The following CMKLR2 variants were observed in gnomAD, a reference collection of about 807,000 sequenced individuals.
CMKLR2 encodes chemerin chemokine-like receptor 2, also known as chemerin-like receptor 2.
CMKLR2 carries 18 observed loss-of-function variants against 23.0 expected under a neutral mutation model. The ratio of observed to expected loss-of-function variants is 0.78; its 90% CI spans 0.54 to 1.16. The LOEUF is 1.16. Ranked by LOEUF, CMKLR2 falls within the 50% of genes most tolerant of loss-of-function variation. CMKLR2 has a pLI of 0.00. For synonymous variants in CMKLR2, 158 were observed against 158.9 expected (o/e 0.99, Z 0.05); for missense variants, 401 against 412.7 (o/e 0.97, Z 0.25).
At chr2:206,204,522 C>T (rs958319367) in intron 1 of CMKLR2, among the ~76,000 whole-genome samples, 4 of 151,896 alleles carry the variant, frequency 2.6e-5, no homozygotes, top group African/African-American at 9.7e-5. Context: ...TCAGAGAGCT[C>T]ATTTGTGGTT....
chr2:206,202,933 G>C (rs576876916), intron 1 of CMKLR2, among the ~76,000 whole-genome samples: 150 of 151,950 alleles, frequency 9.9e-4, no homozygotes, highest in African/African-American at 3.4e-3. Context: ...TTCCACCCTA[G>C]TTCTTTCTTG....
intron 1 of CMKLR2, among the ~76,000 whole-genome samples, chr2:206,212,705 A>G (rs1455254611): frequency 6.6e-6 from 1 of 152,242 alleles, no homozygotes; most frequent in Non-Finnish European, 1.5e-5. Flanking sequence ...TTCTAACAAG[A>G]AATTGATAGC....
chr2:206,207,728 C>CTTTTTTTTTTTT (rs71034423), intron 1 of CMKLR2, among the ~76,000 whole-genome samples: 992 of 43,534 alleles, frequency 0.023, 280 homozygotes, highest in African/African-American at 0.044. Flanking sequence ...ACCTCAGGGC[C>CTTTTTTTTTTTT]TTTTTTTTTT....
At chr2:206,192,412 T>G (rs1342755383) in intron 1 of CMKLR2, among the ~76,000 whole-genome samples, 1 of 151,472 alleles carries the variant, frequency 6.6e-6, no homozygotes, top group Non-Finnish European at 1.5e-5. Flanking sequence ...TTTATTTTTC[T>G]GTTTATTTGG....
chr2:206,178,647 T>C (rs1338469628), intron 1 of CMKLR2, among the ~76,000 whole-genome samples: 4 of 150,886 alleles, frequency 2.7e-5, no homozygotes, highest in Non-Finnish European at 4.4e-5. Context: ...TATTTTTGTT[T>C]TGTTTGTTTG....
intron 1 of CMKLR2, among the ~76,000 whole-genome samples, chr2:206,209,417 T>G (rs1343837574): frequency 6.6e-6 from 1 of 152,046 alleles, no homozygotes; most frequent in South Asian, 2.1e-4. Context: ...AAGTGCAGGA[T>G]GTACAGGTTT....
chr2:206,176,844 T>A lies in CMKLR2; in HGVS notation c.404A>T (p.His135Leu). The change falls in exon 2 of 2, where the codon CAC becomes CTC. Residue 135 changes from histidine to leucine, a missense_variant. Transcript: ENST00000621141. ...VFFLTVISLDHYIHLIHPVLS... is the reference protein window; with the variant it reads ...VFFLTVISLDLYIHLIHPVLS... ...GACAGGATGGATCAAGTGGATATAG[T>A]GGTCCAGGCTGATCACTGTCAGGAA... The A allele has an allele frequency of 6.2e-7, 1 of 1,614,122 alleles. No homozygotes were observed.
At chr2:206,195,846 C>T (rs1026293970) in intron 1 of CMKLR2, among the ~76,000 whole-genome samples, 3 of 151,912 alleles carry the variant, frequency 2.0e-5, no homozygotes, top group East Asian at 1.9e-4. Context: ...CCCAGCTACT[C>T]GGGAGGCTGA....
At chr2:206,194,178 G>A (rs1688843310) in intron 1 of CMKLR2, among the ~76,000 whole-genome samples, 1 of 152,156 alleles carries the variant, frequency 6.6e-6, no homozygotes, top group African/African-American at 2.4e-5. Context: ...GGGAGGGAAG[G>A]GAAACTTGTT....
intron 1 of CMKLR2, among the ~76,000 whole-genome samples, chr2:206,195,790 A>G (rs1688901575): frequency 6.6e-6 from 1 of 151,914 alleles, no homozygotes; most frequent in Non-Finnish European, 1.5e-5. Context: ...CTCCATCTCT[A>G]CTAAAAATAC....
intron 1 of CMKLR2, among the ~76,000 whole-genome samples, chr2:206,196,136 A>G (rs1210324364): frequency 3.3e-5 from 5 of 152,106 alleles, no homozygotes; most frequent in Non-Finnish European, 5.9e-5. Flanking sequence ...GCACTTTGGG[A>G]GGCTGAGGTG....
chr2:206,184,310 T>C (rs935923742), intron 1 of CMKLR2, among the ~76,000 whole-genome samples: 1 of 151,942 alleles, frequency 6.6e-6, no homozygotes, highest in Non-Finnish European at 1.5e-5. Context: ...CTTTTTTTTT[T>C]TTTTAAGACA....
At chr2:206,193,312 T>C (rs1688811561) in intron 1 of CMKLR2, among the ~76,000 whole-genome samples, 1 of 152,210 alleles carries the variant, frequency 6.6e-6, no homozygotes, top group South Asian at 2.1e-4. Context: ...TTGGCCAGGC[T>C]GGCCTTGAAA....
chr2:206,199,512 A>G (rs1161911840), intron 1 of CMKLR2, among the ~76,000 whole-genome samples: 5 of 152,144 alleles, frequency 3.3e-5, no homozygotes, highest in African/African-American at 1.2e-4. Flanking sequence ...TCCTGGTTCA[A>G]TGGTAAAATA....
chr2:206,199,984 G>C (rs1189311757), intron 1 of CMKLR2, among the ~76,000 whole-genome samples: 1 of 152,118 alleles, frequency 6.6e-6, no homozygotes, highest in African/African-American at 2.4e-5. Context: ...ATTGCTTCTG[G>C]ACATGAAGAG....
rs1688187966 is a variant in CMKLR2, at chr2:206,175,871, AGT to A, written c.*307_*308del. ...AAAAAATAACTGATATTGCTTCAAA[AGT>A]GATTAATTCACCATGGTATAATTAA... On this transcript the variant is annotated 3_prime_UTR_variant, in exon 2 of 2. Transcript: ENST00000621141. The A allele has an allele frequency of 4.5e-6, 1 of 220,894 alleles. No homozygotes were observed. Among genetic ancestry groups the A allele is most frequent in the Non-Finnish European group, 8.8e-6 (1 of 113,708 alleles). The allele number at this position is 220,894 out of a possible 1,614,324, so 13.7% of individuals were successfully genotyped here.
intron 1 of CMKLR2, among the ~76,000 whole-genome samples, chr2:206,212,878 T>G (rs1042549623): frequency 2.0e-5 from 3 of 152,198 alleles, no homozygotes; most frequent in African/African-American, 7.2e-5. Context: ...AGCTTTCATC[T>G]CGGAGTACCA....
intron 1 of CMKLR2, among the ~76,000 whole-genome samples, chr2:206,190,671 A>T (rs757463753): frequency 6.6e-6 from 1 of 152,214 alleles, no homozygotes; most frequent in African/African-American, 2.4e-5. Context: ...AATTTTAGGG[A>T]TACAAATGTT....
rs1273213296 is a variant in CMKLR2 at position 206,176,828 on chromosome 2, G to A, written c.420C>T (p.Ile140=). ...GATGCCGATGAGATAAGACAGGATGGATCAAGTGGATATAGTGGTCCAGGC... is the reference window on the plus strand; with the variant it reads ...GATGCCGATGAGATAAGACAGGATGAATCAAGTGGATATAGTGGTCCAGGC... ...VISLDHYIHL[I]HPVLSHRHRT... The change falls in exon 2 of 2, where the codon ATC becomes ATT. Residue 140 remains isoleucine (I), a synonymous_variant. Coordinates refer to ENST00000621141, the MANE Select transcript of CMKLR2 (RefSeq NM_001389445.1). 1 of 1,614,114 alleles carries A rather than the reference G, an allele frequency of 6.2e-7. No homozygotes were observed. The highest frequency in any genetic ancestry group is 1.1e-5 in the South Asian group (1 of 91,072).
Sources: gnomAD v4.1 joint callset for allele counts (sites outside exome capture counted in the v4.1 genomes callset) on GRCh38, gnomAD v4.1.1 for gene constraint, MANE v1.5 for transcripts, NCBI Gene and HGNC (gene_info 2026-07-23, HGNC 2026-07-21) for gene names.